PEX26: variants seen among roughly 807,000 people sequenced by gnomAD.
PEX26 encodes peroxisome assembly protein 26.
In PEX26, 18 loss-of-function variants were observed where a neutral mutation model predicts 31.4. The ratio of observed to expected loss-of-function variants is 0.57; its 90% CI spans 0.40 to 0.85. The LOEUF is 0.85. PEX26 is among the 40% of genes least tolerant of loss of function. The pLI is 0.00. For missense variants in PEX26, 377 were observed against 383.9 expected, an observed-to-expected ratio of 0.98 and a Z score of 0.15; for synonymous variants, 176 against 166.9, an observed-to-expected ratio of 1.05 and a Z score of -0.42.
chr22:18,085,865 C>T (rs978845168), intron 4 of PEX26, among the ~76,000 whole-genome samples: 1 of 151,838 alleles, frequency 6.6e-6, no homozygotes, highest in African/African-American at 2.4e-5. Flanking sequence ...GAGCGAGACT[C>T]TGTCTCAAAA....
At position 18,078,357 on chromosome 22, in the gene PEX26, G is replaced by A. The variant is rs758542848; in HGVS notation, c.-20G>A. 55 of 1,566,716 alleles carry A rather than the reference G, an allele frequency of 3.5e-5. No individual in the cohort carries two copies. In the Admixed American group the frequency reaches 9.2e-4, roughly 26 times the overall value. ...GTCACTCCGACGTCTGAGGACCTGGGCCTTGGACCCGGACTCGTTATGAAG... is the reference window on the plus strand; with the variant it reads ...GTCACTCCGACGTCTGAGGACCTGGACCTTGGACCCGGACTCGTTATGAAG... On this transcript the variant is annotated 5_prime_UTR_variant, in exon 1 of 5. Transcript: ENST00000399744.
Position 18,078,028 on chromosome 22 carries a change from G to C in PEX26, c.-349G>C, listed in dbSNP as rs1336600605. 3 of 480,362 alleles carry C rather than the reference G, an allele frequency of 6.2e-6. No individual in the cohort carries two copies. The allele number at this position is 480,362 out of a possible 1,614,324, so 29.8% of individuals were successfully genotyped here. ...GCTGGGCGAGCGCAAAGATGTCCGC[G>C]CCCGCTGCCGGGAGGCGAGGTGAGT... On this transcript the variant is annotated 5_prime_UTR_variant, in exon 1 of 5. Coordinates refer to ENST00000399744, the MANE Select transcript of PEX26 (RefSeq NM_001127649.3).
At chr22:18,082,129 A>C (rs578016654) in intron 2 of PEX26, among the ~76,000 whole-genome samples, 1 of 140,702 alleles carries the variant, frequency 7.1e-6, no homozygotes, top group African/African-American at 2.7e-5. Context: ...TGTCAGATGG[A>C]TAGTTTGCAA....
intron 2 of PEX26, among the ~76,000 whole-genome samples, 188 bp from the exon 3 acceptor site, chr22:18,083,249 C>A (rs960803441): frequency 1.3e-5 from 2 of 152,148 alleles, no homozygotes; most frequent in Non-Finnish European, 2.9e-5. Flanking sequence ...CAGCTTTTCC[C>A]ATTGATTATG....
chr22:18,099,400 C>T lies in PEX26; in HGVS notation c.*11325C>T, dbSNP rs1375841786. 1.3e-5 allele frequency: 2 copies of T among 152,278 alleles called. No homozygotes were observed. Among genetic ancestry groups the T allele is most frequent in the South Asian group, 2.1e-4 (1 of 4,824 alleles). The allele number at this position is 152,278 out of a possible 1,614,324, so 9.4% of individuals were successfully genotyped here. On this transcript the variant is annotated 3_prime_UTR_variant, in exon 5 of 5. Coordinates refer to ENST00000399744, the MANE Select transcript of PEX26 (RefSeq NM_001127649.3). ...AGGTTCGTGTTAACAGTCCATACTA[C>T]TTATGGTATACGTGAAATGCTTTCT...
Position 18,078,596 on chromosome 22 carries a change from C to T in PEX26, c.220C>T (p.Pro74Ser). The T allele has an allele frequency of 6.3e-7, 1 of 1,599,954 alleles. No homozygotes were observed. The highest frequency in any genetic ancestry group is 2.3e-5 in the East Asian group (1 of 44,326). The change falls in exon 1 of 5, where the codon CCC becomes TCC. Residue 74 changes from proline to serine, a missense_variant. Transcript: ENST00000399744. ...GGCCAACCACGCCGTGGCAGAGGAACCCGCGGGCACGTACGTGCTGGGCTC... is the reference window on the plus strand; with the variant it reads ...GGCCAACCACGCCGTGGCAGAGGAATCCGCGGGCACGTACGTGCTGGGCTC... ...SLANHAVAEEPAGTSLEVKCS... is the reference protein window; with the variant it reads ...SLANHAVAEESAGTSLEVKCS...
In PEX26 at chr22:18,098,900, AC is replaced by A. The variant is rs1350228043; in HGVS notation, c.*10826del. ...TAGATATGGATGTTTGCATATAGGCACATTTAGCTGGATTAAGTTAGATTTA... is the reference window on the plus strand; with the variant it reads ...TAGATATGGATGTTTGCATATAGGCAATTTAGCTGGATTAAGTTAGATTTA... On this transcript the variant is annotated 3_prime_UTR_variant, in exon 5 of 5. Coordinates refer to ENST00000399744, the MANE Select transcript of PEX26 (RefSeq NM_001127649.3). 6 of 152,314 alleles carry A rather than the reference AC, an allele frequency of 3.9e-5. No individual in the cohort carries two copies. The highest frequency in any genetic ancestry group is 1.4e-4 in the African/African-American group (6 of 41,568). The allele number at this position is 152,314 out of a possible 1,614,324, so 9.4% of individuals were successfully genotyped here. A position where few individuals can be genotyped will look rare whatever the true frequency, so the allele number is the denominator to read the frequency against.
chr22:18,083,383 A>G lies in PEX26; in HGVS notation c.372-54A>G, dbSNP rs200011375. ...CATAGTGGTCATGGGAAATGAACCA[A>G]TCATTGAGCACTGACTCTTCTTTTG... On this transcript the variant is annotated intron_variant, in intron 2 of 4. Coordinates refer to ENST00000399744, the MANE Select transcript of PEX26 (RefSeq NM_001127649.3). 4.2e-4 allele frequency: 655 copies of G among 1,566,724 alleles called. 1 individual carries two copies. Among genetic ancestry groups the G allele is most frequent in the Non-Finnish European group, 4.8e-4 (551 of 1,138,910 alleles).
At chr22:18,083,385 C>A in intron 2 of PEX26, 52 bp from the exon 3 acceptor site, 1 of 1,569,556 alleles carries the variant, frequency 6.4e-7, no homozygotes, top group South Asian at 1.1e-5. Context: ...ATGAACCAAT[C>A]ATTGAGCACT....
At chr22:18,087,409 T>G (rs385130) in intron 4 of PEX26, among the ~76,000 whole-genome samples, 79,334 of 152,092 alleles carry the variant, frequency 0.52, 22,190 homozygotes, top group Non-Finnish European at 0.64. Context: ...AGAGTTGTCC[T>G]TCTAACCCGT....
At position 18,092,992 on chromosome 22, in the gene PEX26, G is replaced by A. The variant is rs924976777; in HGVS notation, c.*4917G>A. On this transcript the variant is annotated 3_prime_UTR_variant, in exon 5 of 5. Transcript: ENST00000399744. The stretch of plus-strand genomic sequence containing the variant: ...ATGCCAACATGCTCAACAATAAAGG[G>A]TTCTTTTTCTTACTTTTTTAATACA... The A allele has an allele frequency of 6.6e-6, 1 of 151,980 alleles. No homozygotes were observed. Among genetic ancestry groups the A allele is most frequent in the Admixed American group, 6.6e-5 (1 of 15,248 alleles). The allele number at this position is 151,980 out of a possible 1,614,324, so 9.4% of individuals were successfully genotyped here. A position where few individuals can be genotyped will look rare whatever the true frequency, so the allele number is the denominator to read the frequency against.
chr22:18,078,179 C>G lies in PEX26; in HGVS notation c.-198C>G, dbSNP rs1357867998. 4.3e-6 allele frequency: 3 copies of G among 699,778 alleles called. No homozygotes were observed. The highest frequency in any genetic ancestry group is 7.8e-6 in the Non-Finnish European group (3 of 383,594). The allele number at this position is 699,778 out of a possible 1,614,324, so 43.3% of individuals were successfully genotyped here. A position where few individuals can be genotyped will look rare whatever the true frequency, so the allele number is the denominator to read the frequency against. ...AAATCTGACGTGTAAACTGCTTCCCCAGCCTCCAGGCGAGCCCAGCTTTTG... is the reference window on the plus strand; with the variant it reads ...AAATCTGACGTGTAAACTGCTTCCCGAGCCTCCAGGCGAGCCCAGCTTTTG... On this transcript the variant is annotated 5_prime_UTR_variant, in exon 1 of 5. Transcript: ENST00000399744.
chr22:18,086,365 T>A (rs1356066075), intron 4 of PEX26, among the ~76,000 whole-genome samples: 1 of 152,250 alleles, frequency 6.6e-6, no homozygotes, highest in Non-Finnish European at 1.5e-5. Context: ...TCTGCTACTC[T>A]GCTGTGCTTT....
rs761507075 is a variant in PEX26, at chr22:18,088,123, A to T, written c.*48A>T. ...CTCTGCTCCTCACGTCCGTGGCCACAGAAGCAGAGCGACAGAGCGACACAT... is the reference window on the plus strand; with the variant it reads ...CTCTGCTCCTCACGTCCGTGGCCACTGAAGCAGAGCGACAGAGCGACACAT... On this transcript the variant is annotated 3_prime_UTR_variant, in exon 5 of 5. Coordinates refer to ENST00000399744, the MANE Select transcript of PEX26 (RefSeq NM_001127649.3). The surrounding 1 kb of genome is among the most constrained non-coding windows in gnomAD (Gnocchi z 4.1). 8 of 1,277,824 alleles carry T rather than the reference A, an allele frequency of 6.3e-6. No homozygotes were observed. Among genetic ancestry groups the T allele is most frequent in the Non-Finnish European group, 9.1e-6 (8 of 878,018 alleles). 79.2% of individuals were successfully genotyped at this position (1,277,824 alleles called of 1,614,324 possible). A position where few individuals can be genotyped will look rare whatever the true frequency, so the allele number is the denominator to read the frequency against.
intron 2 of PEX26, among the ~76,000 whole-genome samples, chr22:18,082,404 G>A (rs1926652129): frequency 6.6e-6 from 1 of 152,086 alleles, no homozygotes; most frequent in Non-Finnish European, 1.5e-5. Flanking sequence ...GGAAAGGTAG[G>A]GGTCTGGTCT....
rs1206645617 is a variant in PEX26 at position 18,099,303 on chromosome 22, T to C, written c.*11228T>C. 2 of 152,122 alleles carry C rather than the reference T, an allele frequency of 1.3e-5. No individual in the cohort carries two copies. The highest frequency in any genetic ancestry group is 2.9e-5 in the Non-Finnish European group (2 of 68,022). The allele number at this position is 152,122 out of a possible 1,614,324, so 9.4% of individuals were successfully genotyped here. A position where few individuals can be genotyped will look rare whatever the true frequency, so the allele number is the denominator to read the frequency against. On this transcript the variant is annotated 3_prime_UTR_variant, in exon 5 of 5. Coordinates refer to ENST00000399744, the MANE Select transcript of PEX26 (RefSeq NM_001127649.3). ...CTGGAGTCAAAACCAAAAAATCAAA[T>C]TGACCAGGGCAAAAAATAGCCTGGG...
At position 18,103,112 on chromosome 22, in the gene PEX26, A is replaced by AAG. The variant is rs1556596388; in HGVS notation, c.*15037_*15038insAG. On this transcript the variant is annotated 3_prime_UTR_variant, in exon 5 of 5. Transcript: ENST00000399744. ...CATCTCAAAAAAAAAAAAAAAAAAA[A>AAG]GGCATGTAAAAGTTAATCTCATGGA... 3.9e-4 allele frequency: 58 copies of AAG among 150,422 alleles called. 1 individual carries two copies. The highest frequency in any genetic ancestry group is 1.4e-3 in the African/African-American group (56 of 41,068). The allele number at this position is 150,422 out of a possible 1,614,324, so 9.3% of individuals were successfully genotyped here.
chr22:18,085,688 G>T (rs1314321636), intron 4 of PEX26, among the ~76,000 whole-genome samples: 2 of 151,998 alleles, frequency 1.3e-5, no homozygotes, highest in Non-Finnish European at 2.9e-5. Context: ...GGCCAACATG[G>T]TAAAGCCCCA....
intron 4 of PEX26, 89 bp downstream of exon 4, chr22:18,085,347 A>G (rs1367627794): frequency 1.5e-6 from 2 of 1,346,278 alleles, no homozygotes; most frequent in Non-Finnish European, 2.1e-6. Flanking sequence ...TCAGAGTCCT[A>G]CTGGGGAGGG....
Sources: allele counts gnomAD v4.1 joint callset (sites outside exome capture counted in the v4.1 genomes callset), GRCh38; gene constraint gnomAD v4.1.1; non-coding constraint Gnocchi (gnomAD v3.1); transcripts MANE v1.5; gene names NCBI Gene and HGNC (gene_info 2026-07-23, HGNC 2026-07-21).